The following PIP5K1B variants were observed in gnomAD, a reference collection of about 807,000 sequenced individuals.
PIP5K1B encodes phosphatidylinositol 4-phosphate 5-kinase type-1 beta.
In PIP5K1B, 42 loss-of-function variants were observed where a neutral mutation model predicts 67.0. That is an observed-to-expected ratio of 0.63 (90% CI 0.49 to 0.81). The LOEUF is 0.81. Among genes scored for constraint, PIP5K1B ranks in the 30% least tolerant of loss-of-function variants. PIP5K1B has a pLI of 0.00. For synonymous variants in PIP5K1B, 214 were observed against 231.4 expected, an observed-to-expected ratio of 0.92 and a Z score of 0.68; for missense variants, 459 against 646.3, an observed-to-expected ratio of 0.71 and a Z score of 3.14.
chr9:68,792,584 T>C (rs1248612644), intron 2 of PIP5K1B, among the ~76,000 whole-genome samples: 1 of 152,120 alleles, frequency 6.6e-6, no homozygotes, highest in Non-Finnish European at 1.5e-5. Flanking sequence ...GGTTCAGCCA[T>C]TCTCCTGCTT....
At chr9:68,739,921 C>T (rs1348246001) in intron 1 of PIP5K1B, 1 of 152,256 alleles carries the variant, frequency 6.6e-6, no homozygotes, top group Non-Finnish European at 1.5e-5. Flanking sequence ...TATTATGCTC[C>T]TGGTTAGCAC....
chr9:68,860,683 T>C (rs1823021544), intron 4 of PIP5K1B, among the ~76,000 whole-genome samples: 1 of 152,208 alleles, frequency 6.6e-6, no homozygotes, highest in Admixed American at 6.5e-5. Flanking sequence ...GCAAAGGGAC[T>C]TGGGCAAGTC....
At chr9:68,767,431 TA>T (rs1157271344) in intron 2 of PIP5K1B, among the ~76,000 whole-genome samples, 2 of 151,782 alleles carry the variant, frequency 1.3e-5, no homozygotes, top group African/African-American at 2.4e-5. Flanking sequence ...GCGTCTCTAC[TA>T]AAAATACAAA....
chr9:68,969,711 C>G (rs1468334003), intron 14 of PIP5K1B, among the ~76,000 whole-genome samples: 2 of 152,162 alleles, frequency 1.3e-5, no homozygotes, highest in African/African-American at 4.8e-5. Context: ...CACCCGAGGC[C>G]CTTCCGGGAA....
intron 13 of PIP5K1B, among the ~76,000 whole-genome samples, chr9:68,936,571 A>T (rs1382362191): frequency 6.6e-6 from 1 of 152,096 alleles, no homozygotes; most frequent in Non-Finnish European, 1.5e-5. Context: ...GACCTCTTCT[A>T]GGGGTTTTCT....
chr9:68,723,953 ATATCT>A (rs1041790631), intron 1 of PIP5K1B, among the ~76,000 whole-genome samples: 11 of 152,096 alleles, frequency 7.2e-5, no homozygotes, highest in African/African-American at 1.9e-4. Context: ...GCCCAGACAA[ATATCT>A]TATAAGATTT....
At chr9:68,942,711 A>C (rs1228438623) in intron 14 of PIP5K1B, among the ~76,000 whole-genome samples, 1 of 152,220 alleles carries the variant, frequency 6.6e-6, no homozygotes, top group Non-Finnish European at 1.5e-5. Context: ...GAAAATAAAA[A>C]GTTATCTATG....
intron 15 of PIP5K1B, among the ~76,000 whole-genome samples, chr9:69,004,891 A>G (rs185516382): frequency 2.6e-5 from 4 of 152,320 alleles, no homozygotes; most frequent in Admixed American, 1.3e-4. Flanking sequence ...AAGCAAGAAG[A>G]CGCTGTGCTT....
At chr9:68,777,402 G>A (rs1466674094) in intron 2 of PIP5K1B, among the ~76,000 whole-genome samples, 4 of 152,224 alleles carry the variant, frequency 2.6e-5, no homozygotes, top group African/African-American at 9.6e-5. Flanking sequence ...TATATGTCAT[G>A]TGGTACTCCG....
chr9:68,999,531 C>T (rs548098508), intron 15 of PIP5K1B, among the ~76,000 whole-genome samples: 8 of 152,284 alleles, frequency 5.3e-5, no homozygotes, highest in Middle Eastern at 3.4e-3. Flanking sequence ...AATTTGTGTT[C>T]GAAGTAAAAT....
At chr9:68,936,837 T>G (rs1355009091) in intron 13 of PIP5K1B, among the ~76,000 whole-genome samples, 1 of 152,200 alleles carries the variant, frequency 6.6e-6, no homozygotes, top group East Asian at 1.9e-4. Flanking sequence ...TACCTGATTT[T>G]CTGATAGCAC....
chr9:68,741,142 G>A (rs1828986326), intron 1 of PIP5K1B, among the ~76,000 whole-genome samples: 1 of 152,122 alleles, frequency 6.6e-6, no homozygotes, highest in Admixed American at 6.5e-5. Flanking sequence ...TGGAGTATTA[G>A]CTTCCTTTTT....
At chr9:68,811,663 A>G (rs1833175195) in intron 2 of PIP5K1B, among the ~76,000 whole-genome samples, 1 of 152,198 alleles carries the variant, frequency 6.6e-6, no homozygotes, top group Non-Finnish European at 1.5e-5. Flanking sequence ...CCCTAAAAGC[A>G]ATAGTGGCAT....
chr9:68,753,270 C>T lies in PIP5K1B; in HGVS notation c.-86+10613C>T, dbSNP rs374094195. Reference sequence around the variant, plus strand: ...AGCTTTATGACACATTTTGATAACACATTTTGATATCTAGTTGTGCAAGCC... The same window carrying T: ...AGCTTTATGACACATTTTGATAACATATTTTGATATCTAGTTGTGCAAGCC... On this transcript the variant is annotated intron_variant, in intron 2 of 15. Transcript: ENST00000265382. Among the ~76,000 whole-genome samples the T allele has an allele frequency of 2.0e-5, 3 of 150,350 alleles. No homozygotes were observed. In the South Asian group the frequency reaches 6.3e-4, roughly 32 times the overall value.
At chr9:68,888,457 G>A (rs577005780) in intron 6 of PIP5K1B, among the ~76,000 whole-genome samples, 2 of 152,360 alleles carry the variant, frequency 1.3e-5, no homozygotes, top group East Asian at 3.9e-4. Flanking sequence ...AAATAGAAAT[G>A]TCTATTAAAG....
chr9:68,985,042 G>A (rs1227978130), intron 14 of PIP5K1B, among the ~76,000 whole-genome samples: 1 of 152,174 alleles, frequency 6.6e-6, no homozygotes, highest in Admixed American at 6.5e-5. Flanking sequence ...GTGTATGAGT[G>A]TAACAGGCTG....
intron 2 of PIP5K1B, among the ~76,000 whole-genome samples, chr9:68,801,097 T>C (rs2131980373): frequency 6.6e-6 from 1 of 152,320 alleles, no homozygotes; most frequent in Non-Finnish European, 1.5e-5. Flanking sequence ...AACCCATTGC[T>C]CTGTTCCCAG....
At chr9:68,867,928 C>T (rs1448258937) in intron 5 of PIP5K1B, among the ~76,000 whole-genome samples, 2 of 152,122 alleles carry the variant, frequency 1.3e-5, no homozygotes, top group African/African-American at 4.8e-5. Flanking sequence ...ATCCGTTTCC[C>T]CTAGCAACCA....
At chr9:68,737,079 C>T (rs1345936501) in intron 1 of PIP5K1B, among the ~76,000 whole-genome samples, 1 of 152,056 alleles carries the variant, frequency 6.6e-6, no homozygotes, top group African/African-American at 2.4e-5. Context: ...TTTAGGTTTC[C>T]TGGAACAAAG....
Sources: allele counts gnomAD v4.1 joint callset (sites outside exome capture counted in the v4.1 genomes callset), GRCh38; gene constraint gnomAD v4.1.1; transcripts MANE v1.5; gene names NCBI Gene and HGNC (gene_info 2026-07-23, HGNC 2026-07-21).